The following M1AP variants were observed in gnomAD, a reference collection of about 807,000 sequenced individuals.
The protein encoded by M1AP is meiosis 1 associated protein, also known as meiosis 1 arrest protein.
A neutral mutation model predicts 51.2 loss-of-function variants in M1AP; 39 were observed. That is an observed-to-expected ratio of 0.76 (90% CI 0.59 to 1.00). The LOEUF (loss-of-function observed/expected upper bound fraction) is 1.00, where lower values mean the gene tolerates loss of function less well. Ranked by LOEUF, M1AP falls within the 50% of genes least tolerant of loss-of-function variation. The pLI is 0.00. For missense variants in M1AP, 545 were observed against 641.2 expected, an observed-to-expected ratio of 0.85 and a Z score of 1.62; for synonymous variants, 251 against 249.2, an observed-to-expected ratio of 1.01 and a Z score of -0.07.
chr2:74,560,114 G>A (rs748819121), intron 9 of M1AP, 37 bp downstream of exon 9: 11 of 1,607,392 alleles, frequency 6.8e-6, no homozygotes, highest in Non-Finnish European at 9.3e-6. Context: ...GGGAGGGAGG[G>A]GAAGTAAGGA....
At chr2:74,564,405 G>C (rs1204710971) in intron 7 of M1AP, among the ~76,000 whole-genome samples, 1 of 152,172 alleles carries the variant, frequency 6.6e-6, no homozygotes, top group Non-Finnish European at 1.5e-5. Context: ...TTGTGGGGTA[G>C]GACTTGACTG....
chr2:74,641,413 AAGGGTTAT>A (rs1683289452), intron 1 of M1AP, among the ~76,000 whole-genome samples: 1 of 152,236 alleles, frequency 6.6e-6, no homozygotes, highest in African/African-American at 2.4e-5. Flanking sequence ...CAAACGTGAA[AAGGGTTAT>A]AGGAGGACAT....
At chr2:74,626,257 G>GTTTTT (rs1337799000) in intron 2 of M1AP, among the ~76,000 whole-genome samples, 2 of 125,930 alleles carry the variant, frequency 1.6e-5, no homozygotes, top group African/African-American at 3.0e-5. Context: ...CTATATTTCA[G>GTTTTT]TTTTTTTTTT....
intron 1 of M1AP, 172 bp downstream of exon 1, chr2:74,648,093 G>C: frequency 8.1e-6 from 8 of 985,074 alleles, no homozygotes; most frequent in Non-Finnish European, 9.6e-6. Context: ...GACTCCGACA[G>C]CGATTTCGGA....
rs186939794 is a variant in M1AP at position 74,590,773 on chromosome 2, A to G, written c.596-8926T>C. On this transcript the variant is annotated intron_variant, in intron 4 of 10. Transcript: ENST00000421985. ...TTGCTCTGCCCTAGACAGTCCAGAG[A>G]GAAGTTATTGCAGGTACGGGAGAGA... Among the ~76,000 whole-genome samples, 139 of 152,294 alleles carry G rather than the reference A, an allele frequency of 9.1e-4. 1 individual carries two copies. Among genetic ancestry groups the G allele is most frequent in the Non-Finnish European group, 1.8e-3 (121 of 68,020 alleles).
chr2:74,580,006 C>T lies in M1AP; in HGVS notation c.769+1668G>A, dbSNP rs147956642. On this transcript the variant is annotated intron_variant, in intron 5 of 10. Coordinates refer to ENST00000421985, the MANE Select transcript of M1AP (RefSeq NM_001321739.2). ...ATTTTTATTTTTTGTAGAGACAGGT[C>T]TATGTTACACAGGCTGTCATTAATT... Among the ~76,000 whole-genome samples, 1,501 of 152,142 alleles carry T rather than the reference C, an allele frequency of 9.9e-3. 30 individuals carry two copies. The highest frequency in any genetic ancestry group is 0.034 in the African/African-American group (1,421 of 41,484).
At chr2:74,569,074 G>A (rs1295356485) in intron 7 of M1AP, among the ~76,000 whole-genome samples, 6 of 152,190 alleles carry the variant, frequency 3.9e-5, no homozygotes, top group Non-Finnish European at 8.8e-5. Flanking sequence ...AAGTGATCCA[G>A]GTATTGGGGT....
intron 7 of M1AP, among the ~76,000 whole-genome samples, chr2:74,569,333 AAG>A (rs1382530890): frequency 6.6e-6 from 1 of 151,864 alleles, no homozygotes; most frequent in Non-Finnish European, 1.5e-5. Flanking sequence ...GTGATGGGAC[AAG>A]AGTTACTAAT....
intron 4 of M1AP, among the ~76,000 whole-genome samples, chr2:74,603,766 T>C (rs1227502451): frequency 1.3e-5 from 2 of 152,164 alleles, no homozygotes; most frequent in Non-Finnish European, 2.9e-5. Flanking sequence ...GGCTGCATGA[T>C]GGTGGAAGGA....
intron 4 of M1AP, among the ~76,000 whole-genome samples, chr2:74,590,615 T>C (rs577830413): frequency 6.6e-6 from 1 of 152,246 alleles, no homozygotes; most frequent in Non-Finnish European, 1.5e-5. Flanking sequence ...TTTTATAATC[T>C]TTTTCTTAGG....
intron 5 of M1AP, among the ~76,000 whole-genome samples, chr2:74,581,207 G>A (rs902460751): frequency 2.6e-5 from 4 of 152,184 alleles, no homozygotes; most frequent in Non-Finnish European, 4.4e-5. Flanking sequence ...TATCTCTGTA[G>A]GTTCTTTAGT....
At chr2:74,626,558 CT>C (rs1388192074) in intron 2 of M1AP, among the ~76,000 whole-genome samples, 6 of 152,042 alleles carry the variant, frequency 3.9e-5, no homozygotes, top group Admixed American at 3.3e-4. Context: ...CACGCCCAGC[CT>C]GTATTAAAAC....
chr2:74,600,949 G>C (rs529990116), intron 4 of M1AP, among the ~76,000 whole-genome samples: 14 of 152,004 alleles, frequency 9.2e-5, no homozygotes, highest in Non-Finnish European at 1.8e-4. Flanking sequence ...GCATATATAA[G>C]AAGGACTTCT....
At chr2:74,604,447 T>C in intron 4 of M1AP, among the ~76,000 whole-genome samples, 1 of 152,146 alleles carries the variant, frequency 6.6e-6, no homozygotes, top group East Asian at 1.9e-4. Flanking sequence ...TCATCAGGGG[T>C]TAGATTCTCA....
intron 2 of M1AP, chr2:74,619,394 C>T: frequency 5.5e-6 from 1 of 182,774 alleles, no homozygotes; most frequent in South Asian, 1.4e-4. Context: ...CTAGACCAAC[C>T]ATAAAAGATG....
chr2:74,596,046 A>G (rs1431101837), intron 4 of M1AP, among the ~76,000 whole-genome samples: 1 of 152,246 alleles, frequency 6.6e-6, no homozygotes, highest in Non-Finnish European at 1.5e-5. Context: ...TCCAAAAGAA[A>G]GCAGGAAAGC....
At chr2:74,584,346 T>C (rs1031710103) in intron 4 of M1AP, among the ~76,000 whole-genome samples, 4 of 151,126 alleles carry the variant, frequency 2.6e-5, no homozygotes, top group African/African-American at 7.3e-5. Context: ...TGGTGGCTCA[T>C]GCCTGTAGTC....
Position 74,576,669 on chromosome 2 carries a change from T to C in M1AP, c.770-51A>G, listed in dbSNP as rs1281659533. 8.8e-6 allele frequency: 14 copies of C among 1,591,152 alleles called. No homozygotes were observed. In the Admixed American group the frequency reaches 1.8e-4, roughly 21 times the overall value. On this transcript the variant is annotated intron_variant, in intron 5 of 10. Coordinates refer to ENST00000421985, the MANE Select transcript of M1AP (RefSeq NM_001321739.2). ...AGACACACTACAATTGGAGGAAGGATTGTGGGTAATAAGTTACCTTAGGCT... is the reference window on the plus strand; with the variant it reads ...AGACACACTACAATTGGAGGAAGGACTGTGGGTAATAAGTTACCTTAGGCT...
intron 7 of M1AP, among the ~76,000 whole-genome samples, chr2:74,568,719 C>T (rs1299879036): frequency 6.6e-6 from 1 of 152,182 alleles, no homozygotes; most frequent in Non-Finnish European, 1.5e-5. Flanking sequence ...TTTTAGCAGA[C>T]TTGGGAGCCA....
Sources: gnomAD v4.1 joint callset for allele counts (sites outside exome capture counted in the v4.1 genomes callset) on GRCh38, gnomAD v4.1.1 for gene constraint, MANE v1.5 for transcripts, NCBI Gene and HGNC (gene_info 2026-07-23, HGNC 2026-07-21) for gene names.